CELF1: variants seen among roughly 807,000 people sequenced by gnomAD.
The protein encoded by CELF1 is CUGBP Elav-like family member 1, also known as 50 kDa nuclear polyadenylated RNA-binding protein.
CELF1 carries 10 observed loss-of-function variants against 61.8 expected under a neutral mutation model. That is an observed-to-expected ratio of 0.16 (90% CI 0.10 to 0.27). The LOEUF is 0.27. CELF1 is among the 10% of genes least tolerant of loss of function. CELF1 has a pLI of 1.00. For missense variants in CELF1, 380 were observed against 639.1 expected (o/e 0.59, Z 4.37); for synonymous variants, 236 against 225.1 (o/e 1.05, Z -0.43).
At chr11:47,530,755 G>C (rs988462687) in intron 1 of CELF1, among the ~76,000 whole-genome samples, 1 of 152,086 alleles carries the variant, frequency 6.6e-6, no homozygotes, top group East Asian at 1.9e-4. Context: ...AGGAGTTTAA[G>C]ACCAGCCTGG....
intron 1 of CELF1, among the ~76,000 whole-genome samples, chr11:47,534,022 C>CTTTTTTTTTTTTTTT (rs71042679): frequency 1.1e-4 from 10 of 87,610 alleles, no homozygotes; most frequent in Admixed American, 1.6e-4. Context: ...TTTTTCTTTC[C>CTTTTTTTTTTTTTTT]TTTTTTTTTT....
intron 1 of CELF1, among the ~76,000 whole-genome samples, chr11:47,538,102 C>T (rs2096675117): frequency 6.6e-6 from 1 of 151,866 alleles, no homozygotes; most frequent in African/African-American, 2.4e-5. Flanking sequence ...TTTGTAGAGA[C>T]AGAGTCCCTG....
intron 9 of CELF1, among the ~76,000 whole-genome samples, chr11:47,479,452 G>A (rs1163363185): frequency 1.3e-5 from 2 of 152,162 alleles, no homozygotes; most frequent in Non-Finnish European, 2.9e-5. Context: ...ATTTCTTGGA[G>A]TTACCCTTTA....
rs1332254792 is a variant in CELF1 at position 47,476,910 on chromosome 11, G to C, written c.1023C>G (p.Ala341=). The C allele has an allele frequency of 5.6e-6, 9 of 1,614,114 alleles. No homozygotes were observed. The highest frequency in any genetic ancestry group is 7.6e-6 in the Non-Finnish European group (9 of 1,180,038). The part of the protein sequence containing the change: ...SSSSNSVNPI[A]SLGALQTLAG... ...CTAATGTCTGCAGGGCTCCAAGTGA[G>C]GCTATGGGGTTGACAGAATTACTGC... The change falls in exon 12 of 15, where the codon GCC becomes GCG. Residue 341 remains alanine (A), a synonymous_variant. Transcript: ENST00000687097.
chr11:47,553,097 C>CCCG lies in CELF1; in HGVS notation c.-262_-260dup. The stretch of plus-strand genomic sequence containing the variant: ...CCGAATCCCGGGGGAGCCTCCGCGT[C>CCCG]CCGCCGCCGCTGCCGCTGCCGCCAG... On this transcript the variant is annotated 5_prime_UTR_variant, in exon 1 of 15. Transcript: ENST00000687097. 1 of 398,802 alleles carries CCCG rather than the reference C, an allele frequency of 2.5e-6. No homozygotes were observed. The highest frequency in any genetic ancestry group is 1.2e-4 in the South Asian group (1 of 8,068). The allele number at this position is 398,802 out of a possible 1,614,324, so 24.7% of individuals were successfully genotyped here.
At chr11:47,528,896 A>T (rs1003081733) in intron 1 of CELF1, among the ~76,000 whole-genome samples, 5 of 151,576 alleles carry the variant, frequency 3.3e-5, no homozygotes, top group Non-Finnish European at 7.4e-5. Flanking sequence ...GCCTCAAAAA[A>T]AAAAAGAAAG....
At chr11:47,519,262 T>C (rs1361799431) in intron 1 of CELF1, among the ~76,000 whole-genome samples, 1 of 151,718 alleles carries the variant, frequency 6.6e-6, no homozygotes, top group African/African-American at 2.4e-5. Flanking sequence ...GGTGGATCAC[T>C]TGAGGTCAGA....
chr11:47,558,533 A>G (rs2097213178), intron 2 of CELF1, among the ~76,000 whole-genome samples: 1 of 120,160 alleles, frequency 8.3e-6, no homozygotes. Context: ...ATATGTATAT[A>G]TTTATATATT....
At position 47,471,606 on chromosome 11, in the gene CELF1, C is replaced by T. The variant is rs2077720303; in HGVS notation, c.*624G>A. 6.6e-6 allele frequency: 1 copy of T among 152,114 alleles called. No homozygotes were observed. Among genetic ancestry groups the T allele is most frequent in the Admixed American group, 6.5e-5 (1 of 15,272 alleles). 9.4% of individuals were successfully genotyped at this position (152,114 alleles called of 1,614,324 possible). A position where few individuals can be genotyped will look rare whatever the true frequency, so the allele number is the denominator to read the frequency against. ...TGAAAAGAGCAGCAGAAATTCCGGA[C>T]AAGAATCTGAAAAATAGGTGTCAAA... On this transcript the variant is annotated 3_prime_UTR_variant, in exon 15 of 15. Coordinates refer to ENST00000687097, the MANE Select transcript of CELF1 (RefSeq NM_001376376.1).
intron 1 of CELF1, among the ~76,000 whole-genome samples, chr11:47,520,192 C>G (rs1177155342): frequency 6.6e-6 from 1 of 152,082 alleles, no homozygotes; most frequent in Non-Finnish European, 1.5e-5. Context: ...GGGAGAGCAT[C>G]TATCTAAGGG....
rs1248686449 is a variant in CELF1 at position 47,467,195 on chromosome 11, A to G, written c.*5035T>C. The G allele has an allele frequency of 6.6e-6, 1 of 152,130 alleles. No individual in the cohort carries two copies. Among genetic ancestry groups the G allele is most frequent in the African/African-American group, 2.4e-5 (1 of 41,240 alleles). The allele number at this position is 152,130 out of a possible 1,614,324, so 9.4% of individuals were successfully genotyped here. On this transcript the variant is annotated 3_prime_UTR_variant, in exon 15 of 15. Transcript: ENST00000687097. ...AGCTTAAGTCTGGGTGGGATCTATC[A>G]TCAGCTCCTCCCCCTGTAACCTCTT...
At chr11:47,535,718 T>C (rs2096612816) in intron 1 of CELF1, among the ~76,000 whole-genome samples, 1 of 151,044 alleles carries the variant, frequency 6.6e-6, no homozygotes, top group Admixed American at 6.6e-5. Context: ...TGTTTTGCTA[T>C]ATTTACTCAC....
chr11:47,552,976 C>A lies in CELF1; in HGVS notation c.-154+16G>T. On this transcript the variant is annotated intron_variant, in intron 1 of 14. Transcript: ENST00000687097. Reference sequence around the variant, plus strand: ...CTCCCTCCCGCGGCCCGTTATCCTGCGGCCGCAGCACTCACCAGCGGCTGC... The same window carrying A: ...CTCCCTCCCGCGGCCCGTTATCCTGAGGCCGCAGCACTCACCAGCGGCTGC... The A allele has an allele frequency of 5.0e-6, 2 of 397,924 alleles. No homozygotes were observed. Among genetic ancestry groups the A allele is most frequent in the Non-Finnish European group, 8.9e-6 (2 of 225,624 alleles). 24.6% of individuals were successfully genotyped at this position (397,924 alleles called of 1,614,324 possible). A position where few individuals can be genotyped will look rare whatever the true frequency, so the allele number is the denominator to read the frequency against.
At position 47,488,077 on chromosome 11, in the gene CELF1, T is replaced by A. The variant is rs11039259; in HGVS notation, c.259+760A>T. Among the ~76,000 whole-genome samples, 923 of 152,342 alleles carry A rather than the reference T, an allele frequency of 6.1e-3. 13 individuals carry two copies. Among genetic ancestry groups the A allele is most frequent in the African/African-American group, 0.021 (854 of 41,578 alleles). ...AAAAAGAGAAAGTAATTCCTCTGCTTCTAGATCCTCTGCTATTAAGCTAGT... is the reference window on the plus strand; with the variant it reads ...AAAAAGAGAAAGTAATTCCTCTGCTACTAGATCCTCTGCTATTAAGCTAGT... On this transcript the variant is annotated intron_variant, in intron 4 of 14. Transcript: ENST00000687097.
At chr11:47,561,153 A>AC (rs2097223706) in intron 2 of CELF1, among the ~76,000 whole-genome samples, 9 of 149,086 alleles carry the variant, frequency 6.0e-5, no homozygotes. Flanking sequence ...AAAAAAAAAA[A>AC]AGTGTATTTC....
chr11:47,514,506 C>A (rs1340920995), intron 1 of CELF1, among the ~76,000 whole-genome samples: 1 of 151,952 alleles, frequency 6.6e-6, no homozygotes, highest in Admixed American at 6.6e-5. Context: ...CTGAGAGACA[C>A]CCTATTTTAG....
intron 13 of CELF1, 50 bp downstream of exon 13, chr11:47,475,286 A>T (rs1325089365): frequency 6.4e-7 from 1 of 1,572,766 alleles, no homozygotes; most frequent in Non-Finnish European, 8.7e-7. Context: ...GTTCTGGTAT[A>T]GGAGGAAAAC....
At chr11:47,536,437 T>G (rs563374485) in intron 1 of CELF1, among the ~76,000 whole-genome samples, 98 of 152,108 alleles carry the variant, frequency 6.4e-4, no homozygotes, top group Non-Finnish European at 6.6e-4. Flanking sequence ...ATTAGCTCAG[T>G]AAAGAGGTTT....
At position 47,483,448 on chromosome 11, in the gene CELF1, C is replaced by T; in HGVS notation, c.606+5G>A. 1 of 1,613,166 alleles carries T rather than the reference C, an allele frequency of 6.2e-7. No individual in the cohort carries two copies. The highest frequency in any genetic ancestry group is 1.1e-5 in the South Asian group (1 of 91,052). On this transcript the variant is annotated splice_donor_5th_base_variant and intron_variant, in intron 8 of 14. Transcript: ENST00000687097. ...AATTTTCCCCATCACCTATCTGCTC[C>T]CTACCTCCATGGTCTGTGCTTGGTG...
Sources: allele counts gnomAD v4.1 joint callset (sites outside exome capture counted in the v4.1 genomes callset), GRCh38; gene constraint gnomAD v4.1.1; transcripts MANE v1.5; gene names NCBI Gene and HGNC (gene_info 2026-07-23, HGNC 2026-07-21).